The following MYLK variants were observed in gnomAD, a reference collection of about 807,000 sequenced individuals.
MYLK encodes the protein myosin light chain kinase.
Under a neutral mutation model 203.4 loss-of-function variants are expected in MYLK, and 106 were observed. The observed-to-expected ratio is 0.52, with a 90% CI of 0.45 to 0.61. MYLK has a LOEUF of 0.61. MYLK is among the 20% of genes least tolerant of loss of function. MYLK has a pLI of 0.00. For missense variants in MYLK, 2,072 were observed against 2,442.3 expected, an observed-to-expected ratio of 0.85 and a Z score of 3.20; for synonymous variants, 867 against 959.5, an observed-to-expected ratio of 0.90 and a Z score of 1.78.
At chr3:123,631,806 C>T (rs1024000690) in intron 29 of MYLK, among the ~76,000 whole-genome samples, 2 of 151,884 alleles carry the variant, frequency 1.3e-5, no homozygotes, top group African/African-American at 2.4e-5. Context: ...GGGCATTTAC[C>T]TGTCCCCGAG....
At chr3:123,704,683 C>T (rs1333479026) in intron 16 of MYLK, among the ~76,000 whole-genome samples, 1 of 144,920 alleles carries the variant, frequency 6.9e-6, no homozygotes, top group Non-Finnish European at 1.5e-5. Context: ...GTGGGCGAAT[C>T]ATGAGGTCAG....
chr3:123,793,895 T>C, intron 3 of MYLK, 51 bp from the exon 4 acceptor site: 1 of 1,606,584 alleles, frequency 6.2e-7, no homozygotes, highest in South Asian at 1.1e-5. Flanking sequence ...AGCACAGCCC[T>C]GTCTTCCCTT....
chr3:123,701,029 G>T (rs371631413), intron 17 of MYLK, 24 bp from the exon 18 acceptor site: 2 of 1,523,968 alleles, frequency 1.3e-6, no homozygotes, highest in South Asian at 2.2e-5. Flanking sequence ...AGGGAAAAAG[G>T]AAAGTAGCAG....
At chr3:123,667,793 C>T (rs1006190743) in intron 20 of MYLK, among the ~76,000 whole-genome samples, 4 of 152,076 alleles carry the variant, frequency 2.6e-5, no homozygotes, top group African/African-American at 4.8e-5. Flanking sequence ...TTTTCGAAGA[C>T]GATAATGCCA....
At position 123,834,913 on chromosome 3, in the gene MYLK, T is replaced by C. The variant is rs114428309; in HGVS notation, c.-126-3243A>G. Among the ~76,000 whole-genome samples the C allele has an allele frequency of 6.0e-3, 907 of 152,252 alleles. 10 individuals are homozygous for C. Among genetic ancestry groups the C allele is most frequent in the African/African-American group, 0.021 (873 of 41,530 alleles). ...TCAGCTCTGCTGGTGGTAAAATGCA[T>C]ATTGTCTTATGAGGCATAACGAGCC... On this transcript the variant is annotated intron_variant, in intron 2 of 33. Coordinates refer to ENST00000360304, the MANE Select transcript of MYLK (RefSeq NM_053025.4).
At chr3:123,852,016 T>C (rs1440675576) in intron 2 of MYLK, among the ~76,000 whole-genome samples, 2 of 152,200 alleles carry the variant, frequency 1.3e-5, no homozygotes, top group African/African-American at 4.8e-5. Context: ...GTGGTTTTTG[T>C]CTTTGGTTCT....
chr3:123,749,035 C>A (rs1183395308), intron 5 of MYLK, among the ~76,000 whole-genome samples: 1 of 152,054 alleles, frequency 6.6e-6, no homozygotes, highest in East Asian at 1.9e-4. Flanking sequence ...TGTCACAGCA[C>A]TCCAGCCTGG....
chr3:123,640,272 G>C lies in MYLK; in HGVS notation c.4837+15C>G. 7 of 1,612,570 alleles carry C rather than the reference G, an allele frequency of 4.3e-6. No homozygotes were observed. Among genetic ancestry groups the C allele is most frequent in the Non-Finnish European group, 5.9e-6 (7 of 1,178,848 alleles). On this transcript the variant is annotated intron_variant, in intron 28 of 33. Transcript: ENST00000360304. The surrounding 1 kb of genome is among the most constrained non-coding windows in gnomAD (Gnocchi z 4.3). ...ATACACACTGGTGTCCATGGGAGAG[G>C]CAGATGAGCCTTACCCAGCCTCCTG...
intron 13 of MYLK, among the ~76,000 whole-genome samples, chr3:123,717,839 C>CTTTTTTTTT (rs10574979): frequency 2.1e-5 from 2 of 94,992 alleles, no homozygotes; most frequent in African/African-American, 8.7e-5. Context: ...TTGAGGGACT[C>CTTTTTTTTT]TTTTTTTTTT....
intron 28 of MYLK, among the ~76,000 whole-genome samples, chr3:123,639,560 G>T (rs1366372429): frequency 1.3e-5 from 2 of 152,210 alleles, no homozygotes; most frequent in Non-Finnish European, 2.9e-5. Flanking sequence ...GCAGAGGCAG[G>T]CTGGATGCAG....
chr3:123,752,249 G>A, intron 5 of MYLK, 82 bp downstream of exon 5: 1 of 1,431,392 alleles, frequency 7.0e-7, no homozygotes. Flanking sequence ...CATCCTTCAA[G>A]AGAGGGCTAA....
intron 20 of MYLK, among the ~76,000 whole-genome samples, chr3:123,669,423 CTT>C (rs11337964): frequency 0.038 from 5,405 of 143,978 alleles, 394 homozygotes; most frequent in East Asian, 0.35. Context: ...AGAGGAAAGG[CTT>C]TTTTTTTTTT....
At chr3:123,664,553 T>C (rs1201701367) in intron 22 of MYLK, among the ~76,000 whole-genome samples, 4 of 152,208 alleles carry the variant, frequency 2.6e-5, no homozygotes, top group Non-Finnish European at 4.4e-5. Flanking sequence ...GGTCTCCCTC[T>C]ACCTCTCTGG....
At chr3:123,698,106 G>A (rs1217774641) in intron 18 of MYLK, among the ~76,000 whole-genome samples, 1 of 152,106 alleles carries the variant, frequency 6.6e-6, no homozygotes, top group African/African-American at 2.4e-5. Context: ...TGATGGCTCT[G>A]GGTTTAAACC....
chr3:123,667,054 C>T lies in MYLK; in HGVS notation c.3703+83G>A, dbSNP rs143694320. The T allele has an allele frequency of 2.7e-4, 339 of 1,264,944 alleles. No homozygotes were observed. The African/African-American group carries it at 3.8e-3, about 14-fold the overall frequency. The allele number at this position is 1,264,944 out of a possible 1,614,324, so 78.4% of individuals were successfully genotyped here. On this transcript the variant is annotated intron_variant, in intron 21 of 33. Transcript: ENST00000360304. Reference sequence around the variant, plus strand: ...TGGGGTGTCTCCTGGGATCACATACCCAGGTGTCAGTCTAGCAAGGTAAAG... The same window carrying T: ...TGGGGTGTCTCCTGGGATCACATACTCAGGTGTCAGTCTAGCAAGGTAAAG...
rs749876595 is a variant in MYLK at position 123,618,766 on chromosome 3, ATCT to A, written c.5370_5372del (p.Glu1790del). 1.6e-5 allele frequency: 26 copies of A among 1,614,110 alleles called. No homozygotes were observed. In the East Asian group the frequency reaches 2.2e-4, roughly 14 times the overall value. On this transcript the variant is annotated inframe_deletion and splice_region_variant, in exon 33 of 34. Coordinates refer to ENST00000360304, the MANE Select transcript of MYLK (RefSeq NM_053025.4). ...CAGCCTCAAGGAAAGCTTGGGACAC[ATCT>A]TCTAGAAGACAGAGAAGAAGACCAG... is the stretch of plus-strand genomic sequence containing the variant.
chr3:123,855,381 T>C (rs74970066), intron 2 of MYLK, among the ~76,000 whole-genome samples: 1 of 152,100 alleles, frequency 6.6e-6, no homozygotes, highest in Admixed American at 6.6e-5. Flanking sequence ...CTCCAGTGTA[T>C]CCCATCTATT....
At chr3:123,664,024 C>G (rs2059652864) in intron 23 of MYLK, 81 bp downstream of exon 23, 1 of 1,591,056 alleles carries the variant, frequency 6.3e-7, no homozygotes, top group Non-Finnish European at 8.6e-7. Flanking sequence ...GTGATGAAGT[C>G]CTGAGGCCCA....
In MYLK at chr3:123,666,292, T is replaced by C. The variant is rs1010065355; in HGVS notation, c.3758A>G (p.Glu1253Gly). ...FPEDQKVRAG[E>G]SVELFGKVTG... is the part of the protein sequence containing the mutation. ...CACTTTGCCAAACAGCTCCACTGAC[T>C]CTCCTGCGCGTACCTTCTGGTCCTC... The change falls in exon 22 of 34, where the codon GAG becomes GGG. Residue 1253 changes from glutamate (E) to glycine (G), a missense_variant. Physicochemically the swap from Glu to Gly is moderately conservative, Grantham distance 98. Around this residue, in one of 3 missense-constraint regions of MYLK, gnomAD observed 865 missense variants for 1,016.0 expected, o/e 0.85. Transcript: ENST00000360304. 6.2e-7 allele frequency: 1 copy of C among 1,614,032 alleles called. No individual in the cohort carries two copies. The highest frequency in any genetic ancestry group is 8.5e-7 in the Non-Finnish European group (1 of 1,180,030).
Sources: gnomAD v4.1 joint callset for allele counts (sites outside exome capture counted in the v4.1 genomes callset) on GRCh38, gnomAD v4.1.1 for gene constraint, gnomAD v4.1.1 regional missense constraint, Gnocchi (gnomAD v3.1) non-coding constraint, MANE v1.5 for transcripts, NCBI Gene and HGNC (gene_info 2026-07-23, HGNC 2026-07-21) for gene names.